Variants in ITSN2 observed in about 807,000 individuals in gnomAD.
The protein encoded by ITSN2 is intersectin 2, also known as intersectin-2.
ITSN2 carries 156 observed loss-of-function variants against 243.7 expected under a neutral mutation model. The observed-to-expected ratio is 0.64, with a 90% CI of 0.56 to 0.73. The LOEUF (loss-of-function observed/expected upper bound fraction) is 0.73. Ranked by LOEUF, ITSN2 falls within the 30% of genes least tolerant of loss-of-function variation. The pLI, the probability that ITSN2 is intolerant of heterozygous loss-of-function variation, is 0.00. For synonymous variants in ITSN2, 703 were observed against 699.9 expected (o/e 1.00, Z -0.07); for missense variants, 1,801 against 1,996.1 (o/e 0.90, Z 1.86).
chr2:24,296,252 G>C (rs1322474238), intron 13 of ITSN2, among the ~76,000 whole-genome samples: 1 of 152,122 alleles, frequency 6.6e-6, no homozygotes, highest in Non-Finnish European at 1.5e-5. Flanking sequence ...GGAACGTTTT[G>C]GCAACAGTTC....
At chr2:24,318,461 A>T (rs1302185781) in intron 2 of ITSN2, among the ~76,000 whole-genome samples, 4 of 152,132 alleles carry the variant, frequency 2.6e-5, no homozygotes, top group Admixed American at 6.5e-5. Context: ...ACATGGATGC[A>T]CTTTTATCAT....
intron 7 of ITSN2, 150 bp from the exon 8 acceptor site, chr2:24,308,906 C>T (rs185104629): frequency 8.2e-6 from 5 of 608,970 alleles, no homozygotes; most frequent in African/African-American, 5.5e-5. Context: ...GACAGCGGGG[C>T]TCGGTGAGTG....
In ITSN2 at chr2:24,249,021, C is replaced by T; in HGVS notation, c.3121-139G>A. 1.2e-6 allele frequency: 1 copy of T among 838,070 alleles called. No individual in the cohort carries two copies. Among genetic ancestry groups the T allele is most frequent in the Non-Finnish European group, 1.9e-6 (1 of 527,428 alleles). The allele number at this position is 838,070 out of a possible 1,614,324, so 51.9% of individuals were successfully genotyped here. Reference sequence around the variant, plus strand: ...TGAAGATGAAAATGACAATGAACCTCATGCAGTATTAACAAATAAGTGAAA... The same window carrying T: ...TGAAGATGAAAATGACAATGAACCTTATGCAGTATTAACAAATAAGTGAAA... On this transcript the variant is annotated intron_variant, in intron 25 of 39. Transcript: ENST00000355123. This position sits in a 1 kb window ranked among gnomAD's most constrained non-coding sequence, Gnocchi z 4.4.
intron 2 of ITSN2, among the ~76,000 whole-genome samples, chr2:24,317,742 C>T (rs984218050): frequency 6.6e-6 from 1 of 152,164 alleles, no homozygotes; most frequent in East Asian, 1.9e-4. Context: ...CAGTATGGGC[C>T]CAGCCTCTGA....
In ITSN2 at chr2:24,235,879, G is replaced by A. The variant is rs148958060; in HGVS notation, c.3577+10250C>T. Among the ~76,000 whole-genome samples, 6 of 152,260 alleles carry A rather than the reference G, an allele frequency of 3.9e-5. No homozygotes were observed. The East Asian group carries it at 5.8e-4, about 15-fold the overall frequency. On this transcript the variant is annotated intron_variant, in intron 29 of 39. Transcript: ENST00000355123. The stretch of plus-strand genomic sequence containing the variant: ...TAATAACAAGTGCCGGTGAGGATGT[G>A]GAGTAACAGAAAGCCCTGTACACTG...
intron 17 of ITSN2, among the ~76,000 whole-genome samples, chr2:24,281,645 C>G (rs1678791789): frequency 6.6e-6 from 1 of 152,196 alleles, no homozygotes; most frequent in South Asian, 2.1e-4. Flanking sequence ...TACATCACCT[C>G]CAACTTCAAA....
intron 5 of ITSN2, among the ~76,000 whole-genome samples, chr2:24,310,978 G>A (rs1683192063): frequency 6.6e-6 from 1 of 152,052 alleles, no homozygotes; most frequent in Non-Finnish European, 1.5e-5. Flanking sequence ...TTGAATATGA[G>A]TCTCCTCAAG....
At chr2:24,360,735 A>C (rs1219178845), upstream of ITSN2, 1 of 152,728 alleles carries the variant, frequency 6.5e-6, no homozygotes, top group Non-Finnish European at 1.5e-5. Context: ...GCCCTCGGGG[A>C]GGCCCCGAAG....
chr2:24,330,435 G>T, intron 1 of ITSN2: 1 of 632,896 alleles, frequency 1.6e-6, no homozygotes, highest in Non-Finnish European at 3.0e-6. Context: ...GGATGCTAAA[G>T]GAGATAAAGC....
rs201649123 is a variant in ITSN2 at position 24,246,131 on chromosome 2, T to C, written c.3575A>G (p.Gln1192Arg). The C allele has an allele frequency of 1.9e-6, 3 of 1,607,068 alleles. No homozygotes were observed. The East Asian group carries it at 6.7e-5, about 36-fold the overall frequency. The change falls in exon 29 of 40, where the codon CAG (glutamine) becomes CGG (arginine). Residue 1192 changes from glutamine to arginine, a missense_variant and splice_region_variant. Coordinates refer to ENST00000355123, the MANE Select transcript of ITSN2 (RefSeq NM_006277.3). Reference protein sequence around the residue: ...KMTTDSDPSQQWCADLQTLDT... With the variant: ...KMTTDSDPSQRWCADLQTLDT... ...AAAAATAATTTAATATTACTCACAC[T>C]GTTGACTTGGATCTGAGTCTGTCGT...
chr2:24,209,638 G>T (rs1669271863), intron 35 of ITSN2, among the ~76,000 whole-genome samples, 180 bp downstream of exon 35: 1 of 152,236 alleles, frequency 6.6e-6, no homozygotes, highest in African/African-American at 2.4e-5. Flanking sequence ...CCTGTGGCAG[G>T]TGGGGAGTGC....
At chr2:24,303,077 A>G (rs1681994148) in intron 9 of ITSN2, among the ~76,000 whole-genome samples, 1 of 152,192 alleles carries the variant, frequency 6.6e-6, no homozygotes, top group Non-Finnish European at 1.5e-5. Context: ...CATACACTCA[A>G]TAACAATAAA....
chr2:24,230,765 TCTC>T (rs1671510007), intron 29 of ITSN2, among the ~76,000 whole-genome samples: 2 of 151,742 alleles, frequency 1.3e-5, no homozygotes, highest in Non-Finnish European at 2.9e-5. Flanking sequence ...TGAAACTCCA[TCTC>T]AAAAAAAAGA....
At chr2:24,296,543 T>C (rs1461558232) in intron 13 of ITSN2, among the ~76,000 whole-genome samples, 2 of 152,158 alleles carry the variant, frequency 1.3e-5, no homozygotes, top group African/African-American at 2.4e-5. Flanking sequence ...GGTGGAAATC[T>C]GAACACAAAA....
chr2:24,311,646 T>C (rs1288492963), intron 5 of ITSN2: 2 of 167,122 alleles, frequency 1.2e-5, no homozygotes, highest in African/African-American at 2.4e-5. Flanking sequence ...TTCTCACATA[T>C]AATTATAAGA....
chr2:24,213,453 C>T (rs1170205857), intron 32 of ITSN2, among the ~76,000 whole-genome samples: 3 of 152,160 alleles, frequency 2.0e-5, no homozygotes, highest in Admixed American at 2.0e-4. Context: ...CACTGTAATC[C>T]ACCTCATCAT....
At position 24,216,048 on chromosome 2, in the gene ITSN2, C is replaced by T. The variant is rs1235642156; in HGVS notation, c.3990+1G>A. The stretch of plus-strand genomic sequence containing the variant: ...ACCCGCAAGGCCCAGAATGGAATTA[C>T]CTTTAAAAATTCTTTGAAATCTGTG... On this transcript the variant is annotated splice_donor_variant, in intron 32 of 39. Coordinates refer to ENST00000355123, the MANE Select transcript of ITSN2 (RefSeq NM_006277.3). LOFTEE classifies it high-confidence loss of function. 1.9e-6 allele frequency: 3 copies of T among 1,590,010 alleles called. No homozygotes were observed. The highest frequency in any genetic ancestry group is 2.6e-6 in the Non-Finnish European group (3 of 1,166,296).
At chr2:24,227,227 A>G (rs1671121125) in intron 29 of ITSN2, among the ~76,000 whole-genome samples, 1 of 151,792 alleles carries the variant, frequency 6.6e-6, no homozygotes, top group Non-Finnish European at 1.5e-5. Context: ...GGTCACACTC[A>G]CAACTGTGGC....
chr2:24,257,510 G>A (rs1675217221), intron 23 of ITSN2, among the ~76,000 whole-genome samples: 1 of 150,832 alleles, frequency 6.6e-6, no homozygotes, highest in African/African-American at 2.4e-5. Flanking sequence ...AGGCTAGAGT[G>A]CAATGGCGTC....
Sources: allele counts gnomAD v4.1 joint callset (sites outside exome capture counted in the v4.1 genomes callset), GRCh38; gene constraint gnomAD v4.1.1; non-coding constraint Gnocchi (gnomAD v3.1); transcripts MANE v1.5; gene names NCBI Gene and HGNC (gene_info 2026-07-23, HGNC 2026-07-21).